The following EXOC2 variants were observed in gnomAD, a reference collection of about 807,000 sequenced individuals.
The protein encoded by EXOC2 is SEC5-like 1.
Under a neutral mutation model 131.8 loss-of-function variants are expected in EXOC2, and 70 were observed. That is an observed-to-expected ratio of 0.53 (90% CI 0.44 to 0.65). EXOC2 has a LOEUF of 0.65. Ranked by LOEUF, EXOC2 falls within the 30% of genes least tolerant of loss-of-function variation. The pLI is 0.00. For missense variants in EXOC2, 923 were observed against 1,108.6 expected (o/e 0.83, Z 2.38); for synonymous variants, 411 against 398.4 (o/e 1.03, Z -0.38).
Position 555,220 on chromosome 6 carries a change from T to C in EXOC2, c.2054+7A>G. ...GCATTAATGAGATTAATTTAATTTT[T>C]ACTTACTGTGTAGTATCTATATCTG... On this transcript the variant is annotated splice_region_variant and intron_variant, in intron 20 of 27. Transcript: ENST00000230449. 6.9e-7 allele frequency: 1 copy of C among 1,457,826 alleles called. No individual in the cohort carries two copies. Among genetic ancestry groups the C allele is most frequent in the Non-Finnish European group, 9.2e-7 (1 of 1,082,664 alleles). 90.3% of individuals were successfully genotyped at this position (1,457,826 alleles called of 1,614,324 possible).
chr6:576,505 C>T (rs906423052), intron 12 of EXOC2, among the ~76,000 whole-genome samples: 7 of 152,112 alleles, frequency 4.6e-5, no homozygotes, highest in African/African-American at 1.7e-4. Context: ...TAAAACTAGA[C>T]TTGAACTAAA....
At chr6:616,805 C>G (rs181391484) in intron 6 of EXOC2, among the ~76,000 whole-genome samples, 1 of 151,128 alleles carries the variant, frequency 6.6e-6, no homozygotes, top group African/African-American at 2.4e-5. Flanking sequence ...TGCAGTGGCG[C>G]GATCTCGGCT....
intron 1 of EXOC2, among the ~76,000 whole-genome samples, chr6:648,814 TG>T (rs1329553215): frequency 1.4e-5 from 2 of 147,106 alleles, no homozygotes; most frequent in Non-Finnish European, 3.0e-5. Flanking sequence ...CTCGAACTCC[TG>T]GGCTCAAGCA....
chr6:507,120 ACACATACACAC>A (rs1764586191), intron 23 of EXOC2, among the ~76,000 whole-genome samples: 1 of 45,874 alleles, frequency 2.2e-5, no homozygotes, highest in African/African-American at 4.2e-5. Context: ...CAGTGACTAC[ACACATACACAC>A]ACACATACAC....
Position 564,158 on chromosome 6 carries a change from C to G in EXOC2, c.1668-4G>C, listed in dbSNP as rs371170045. 3 of 1,612,768 alleles carry G rather than the reference C, an allele frequency of 1.9e-6. No homozygotes were observed. In the African/African-American group the frequency reaches 4.0e-5, roughly 22 times the overall value. ...AGTCAACGATTCATGAGTAAGTCTG[C>G]GAACAAACACATCCAAACAGAAGTG... On this transcript the variant is annotated splice_polypyrimidine_tract_variant and splice_region_variant and intron_variant, in intron 15 of 27. Transcript: ENST00000230449.
rs369442076 is a variant in EXOC2, at chr6:605,076, T to A, written c.742+5022A>T. Among the ~76,000 whole-genome samples the A allele has an allele frequency of 3.9e-5, 6 of 152,254 alleles. No individual in the cohort carries two copies. In the South Asian group the frequency reaches 1.0e-3, roughly 26 times the overall value. ...AAGTTTTATTTTTATATCCCTAGGA[T>A]AAAACAAACATGTGCTCAATAAATG... On this transcript the variant is annotated intron_variant, in intron 7 of 27. Coordinates refer to ENST00000230449, the MANE Select transcript of EXOC2 (RefSeq NM_018303.6).
intron 13 of EXOC2, among the ~76,000 whole-genome samples, chr6:568,810 A>G (rs1479720296): frequency 1.3e-5 from 2 of 152,222 alleles, no homozygotes. Context: ...AAAAGCGTGA[A>G]AATCTGTTGT....
intron 27 of EXOC2, among the ~76,000 whole-genome samples, chr6:488,772 C>G (rs1451896425): frequency 6.6e-6 from 1 of 152,148 alleles, no homozygotes; most frequent in Admixed American, 6.5e-5. Flanking sequence ...AAGGTCTTAC[C>G]TTATTCTGTC....
intron 23 of EXOC2, among the ~76,000 whole-genome samples, chr6:510,821 G>C (rs1764804308): frequency 6.6e-6 from 1 of 152,128 alleles, no homozygotes; most frequent in Non-Finnish European, 1.5e-5. Context: ...TTAGTTTTTT[G>C]TCAGAAATTT....
chr6:538,874 C>A (rs1355690231), intron 22 of EXOC2, among the ~76,000 whole-genome samples: 1 of 152,024 alleles, frequency 6.6e-6, no homozygotes, highest in Non-Finnish European at 1.5e-5. Flanking sequence ...GAGTTCAAGA[C>A]CAGCCTGGCC....
intron 23 of EXOC2, among the ~76,000 whole-genome samples, chr6:531,046 G>T (rs575646312): frequency 6.6e-6 from 1 of 152,316 alleles, no homozygotes; most frequent in Admixed American, 6.5e-5. Context: ...GTGGAATCTG[G>T]TACCTGTGGG....
intron 6 of EXOC2, among the ~76,000 whole-genome samples, chr6:617,397 A>AT (rs1379227043): frequency 6.6e-6 from 1 of 152,280 alleles, no homozygotes; most frequent in Non-Finnish European, 1.5e-5. Flanking sequence ...AATTAGTCAC[A>AT]TATGTAAGAT....
Position 633,133 on chromosome 6 carries a change from T to C in EXOC2, c.119-16A>G, listed in dbSNP as rs749171091. The stretch of plus-strand genomic sequence containing the variant: ...ATGGTCAAGCCTGAAAATAAACGCA[T>C]GTGCATAACAAAATTCAAAGACAAG... On this transcript the variant is annotated splice_polypyrimidine_tract_variant and intron_variant, in intron 2 of 27. Coordinates refer to ENST00000230449, the MANE Select transcript of EXOC2 (RefSeq NM_018303.6). 3.1e-6 allele frequency: 5 copies of C among 1,607,968 alleles called. No homozygotes were observed. The East Asian group carries it at 6.7e-5, about 22-fold the overall frequency.
chr6:488,101 C>T (rs1485910901), intron 27 of EXOC2, among the ~76,000 whole-genome samples: 2 of 152,224 alleles, frequency 1.3e-5, no homozygotes, highest in South Asian at 2.1e-4. Context: ...CATGTGCCCA[C>T]GTGGGATGCG....
rs370990385 is a variant in EXOC2, at chr6:599,188, T to C, written c.780A>G (p.Val260=). 1.2e-6 allele frequency: 2 copies of C among 1,610,184 alleles called. No individual in the cohort carries two copies. The highest frequency in any genetic ancestry group is 1.1e-5 in the South Asian group (1 of 90,334). Residue 260 remains valine (V), a synonymous_variant, in exon 8 of 28, where the codon GTA becomes GTG. Transcript: ENST00000230449. ...AATCTGCCTTGTCTTTCCGACCTAA[T>C]ACTTCTTGAAACAATGTGTCTGCAG... The part of the protein sequence containing the change: ...SNTADTLFQE[V]LGRKDKADST...
At chr6:656,440 C>G (rs768128633) in intron 1 of EXOC2, 2 of 1,613,732 alleles carry the variant, frequency 1.2e-6, no homozygotes, top group Admixed American at 1.7e-5. Flanking sequence ...ATCCTCTCCA[C>G]GATGCTCCTC....
chr6:634,812 G>A (rs1243611354), intron 2 of EXOC2, among the ~76,000 whole-genome samples: 2 of 152,022 alleles, frequency 1.3e-5, no homozygotes, highest in African/African-American at 4.8e-5. Flanking sequence ...AAATGGGCAT[G>A]TCTTTGATAT....
intron 11 of EXOC2, among the ~76,000 whole-genome samples, chr6:584,528 G>A (rs1438469377): frequency 6.6e-6 from 1 of 152,148 alleles, no homozygotes; most frequent in Admixed American, 6.5e-5. Context: ...ACTCTAGTGA[G>A]TGTCAGAAAT....
intron 9 of EXOC2, among the ~76,000 whole-genome samples, 160 bp from the exon 10 acceptor site, chr6:598,283 G>C (rs780549477): frequency 1.3e-5 from 2 of 152,178 alleles, no homozygotes; most frequent in Non-Finnish European, 2.9e-5. Flanking sequence ...GGTTACAAGG[G>C]TGTACATATT....
Sources: allele counts gnomAD v4.1 joint callset (sites outside exome capture counted in the v4.1 genomes callset), GRCh38; gene constraint gnomAD v4.1.1; transcripts MANE v1.5; gene names NCBI Gene and HGNC (gene_info 2026-07-23, HGNC 2026-07-21).